Variants in MEF2A observed in about 807,000 individuals in gnomAD.
MEF2A encodes myocyte enhancer factor 2A, also known as myocyte-specific enhancer factor 2A.
In MEF2A, 28 loss-of-function variants were observed where a neutral mutation model predicts 55.8. The observed-to-expected ratio is 0.50, with a 90% CI of 0.37 to 0.69. The LOEUF is 0.69. Ranked by LOEUF, MEF2A falls within the 30% of genes least tolerant of loss-of-function variation. MEF2A has a pLI of 0.00. For missense variants in MEF2A, 528 were observed against 626.2 expected (o/e 0.84, Z 1.67); for synonymous variants, 239 against 227.1 (o/e 1.05, Z -0.47).
intron 2 of MEF2A, among the ~76,000 whole-genome samples, chr15:99,632,352 T>C (rs1258174899): frequency 1.3e-5 from 2 of 152,232 alleles, no homozygotes; most frequent in African/African-American, 4.8e-5. Flanking sequence ...ATATAGTGGC[T>C]TTGTGAATTG....
Position 99,710,754 on chromosome 15 carries a change from C to T in MEF2A, c.1130C>T (p.Ser377Phe). The T allele has an allele frequency of 6.2e-7, 1 of 1,600,332 alleles. No homozygotes were observed. The highest frequency in any genetic ancestry group is 8.6e-7 in the Non-Finnish European group (1 of 1,168,434). ...QHHLGQAALS[S>F]LVAGGQLSQG... ...CACCTAGGACAAGCAGCCCTCAGCT[C>T]TCTTGTGTGAGTAACTAGAAGTTTT... Residue 377 changes from serine (S) to phenylalanine (F), a missense_variant, in exon 11 of 12, where the codon TCT becomes TTT. Ser to Phe is a radical substitution (Grantham distance 155, BLOSUM62 -2). Coordinates refer to ENST00000557942, the MANE Select transcript of MEF2A (RefSeq NM_001319206.4).
chr15:99,570,419 C>G (rs192301354), intron 1 of MEF2A, among the ~76,000 whole-genome samples: 1 of 151,958 alleles, frequency 6.6e-6, no homozygotes, highest in Admixed American at 6.6e-5. Flanking sequence ...AAAAACAAAA[C>G]AAAAACCTTT....
At chr15:99,643,790 G>A (rs1407125911) in intron 3 of MEF2A, among the ~76,000 whole-genome samples, 3 of 151,812 alleles carry the variant, frequency 2.0e-5, no homozygotes, top group Non-Finnish European at 2.9e-5. Flanking sequence ...ACGGGGTTTC[G>A]TAGTGTTAGC....
chr15:99,575,667 C>G (rs771631590), intron 1 of MEF2A, among the ~76,000 whole-genome samples: 1 of 152,174 alleles, frequency 6.6e-6, no homozygotes, highest in African/African-American at 2.4e-5. Context: ...ATTTCCTCCT[C>G]CAAACGCTTA....
chr15:99,598,390 CAAG>C (rs1445000218), intron 1 of MEF2A, 37 bp from the exon 2 acceptor site: 6 of 152,068 alleles, frequency 3.9e-5, no homozygotes, highest in African/African-American at 1.2e-4. Flanking sequence ...GCTTTGGAGT[CAAG>C]AACAATAATG....
At position 99,714,032 on chromosome 15, in the gene MEF2A, AATT is replaced by A. The variant is rs2058919063; in HGVS notation, c.*1266_*1268del. 1 of 152,172 alleles carries A rather than the reference AATT, an allele frequency of 6.6e-6. No individual in the cohort carries two copies. The highest frequency in any genetic ancestry group is 2.4e-5 in the African/African-American group (1 of 41,438). 9.4% of individuals were successfully genotyped at this position (152,172 alleles called of 1,614,324 possible). On this transcript the variant is annotated 3_prime_UTR_variant, in exon 12 of 12. Transcript: ENST00000557942. The stretch of plus-strand genomic sequence containing the variant: ...TTAAATATACTGTACTTTGGATTTT[AATT>A]ATTAGCCCAGTTTTTTCAGAGGATT...
At chr15:99,617,834 T>C (rs1197340932) in intron 2 of MEF2A, among the ~76,000 whole-genome samples, 2 of 152,228 alleles carry the variant, frequency 1.3e-5, no homozygotes, top group East Asian at 3.8e-4. Flanking sequence ...GCAGTAGTCA[T>C]AGGCTTCTTT....
intron 7 of MEF2A, among the ~76,000 whole-genome samples, chr15:99,680,146 T>G (rs2052951674): frequency 6.6e-6 from 1 of 152,190 alleles, no homozygotes; most frequent in Non-Finnish European, 1.5e-5. Flanking sequence ...CCCCTAGTCT[T>G]TTTATGTGAG....
intron 1 of MEF2A, among the ~76,000 whole-genome samples, chr15:99,585,687 A>C (rs11637625): frequency 0.42 from 63,599 of 152,038 alleles, 14,801 homozygotes; most frequent in Middle Eastern, 0.61. Flanking sequence ...CACTGTGCTG[A>C]GCACATTACA....
chr15:99,628,633 A>AT (rs753533781), intron 2 of MEF2A, among the ~76,000 whole-genome samples: 1 of 152,098 alleles, frequency 6.6e-6, no homozygotes, highest in East Asian at 1.9e-4. Flanking sequence ...GTAAATGAGC[A>AT]TTTTTTCTAC....
At chr15:99,691,055 A>G (rs982494733) in intron 8 of MEF2A, among the ~76,000 whole-genome samples, 5 of 151,964 alleles carry the variant, frequency 3.3e-5, no homozygotes, top group South Asian at 2.1e-4. Context: ...GAATGTAACA[A>G]ATATTCACAT....
intron 2 of MEF2A, among the ~76,000 whole-genome samples, chr15:99,608,977 T>G (rs1309960027): frequency 6.6e-6 from 1 of 152,202 alleles, no homozygotes; most frequent in African/African-American, 2.4e-5. Flanking sequence ...TTCAGTTGTC[T>G]TAACTTTTCT....
At chr15:99,697,640 C>A (rs1265007086) in intron 8 of MEF2A, among the ~76,000 whole-genome samples, 2 of 152,136 alleles carry the variant, frequency 1.3e-5, no homozygotes, top group African/African-American at 2.4e-5. Flanking sequence ...TCAGTATTGT[C>A]AAGATGTCAT....
At chr15:99,580,251 C>G (rs1159939920) in intron 1 of MEF2A, among the ~76,000 whole-genome samples, 2 of 152,098 alleles carry the variant, frequency 1.3e-5, no homozygotes, top group African/African-American at 4.8e-5. Flanking sequence ...CCCCCGCCCC[C>G]CTCACAGTTT....
chr15:99,603,398 A>G (rs1234487059), intron 2 of MEF2A, among the ~76,000 whole-genome samples: 4 of 149,364 alleles, frequency 2.7e-5, no homozygotes, highest in African/African-American at 4.9e-5. Context: ...TTTCAAAGAC[A>G]GTCTCACTCT....
At chr15:99,603,805 C>T (rs1596409723) in intron 2 of MEF2A, among the ~76,000 whole-genome samples, 1 of 152,244 alleles carries the variant, frequency 6.6e-6, no homozygotes, top group East Asian at 1.9e-4. Flanking sequence ...TTTAAGACTT[C>T]TGTGTCCCTT....
intron 2 of MEF2A, among the ~76,000 whole-genome samples, chr15:99,606,216 A>T (rs1567212553): frequency 6.6e-6 from 1 of 152,224 alleles, no homozygotes; most frequent in Non-Finnish European, 1.5e-5. Context: ...GAAATGACTT[A>T]TGTTCCATAC....
intron 2 of MEF2A, among the ~76,000 whole-genome samples, chr15:99,615,784 A>T (rs2040085816): frequency 1.3e-5 from 2 of 152,196 alleles, no homozygotes; most frequent in African/African-American, 4.8e-5. Context: ...ACTTTTATGG[A>T]AGACCTGTGT....
chr15:99,674,278 A>G (rs2051461065), intron 5 of MEF2A, 115 bp from the exon 6 acceptor site: 5 of 881,736 alleles, frequency 5.7e-6, no homozygotes, highest in Admixed American at 2.3e-5. Flanking sequence ...TTAAGAACCT[A>G]TCCCTATCCT....
Sources: allele counts gnomAD v4.1 joint callset (sites outside exome capture counted in the v4.1 genomes callset), GRCh38; gene constraint gnomAD v4.1.1; transcripts MANE v1.5; gene names NCBI Gene and HGNC (gene_info 2026-07-23, HGNC 2026-07-21).